Variants in MCIDAS observed in about 807,000 individuals in gnomAD.
The protein encoded by MCIDAS is multiciliate differentiation and DNA synthesis associated cell cycle protein, also known as multicilin.
Under a neutral mutation model 35.4 loss-of-function variants are expected in MCIDAS, and 23 were observed. The ratio of observed to expected loss-of-function variants is 0.65; its 90% CI spans 0.47 to 0.92. The LOEUF is 0.92. MCIDAS is among the 40% of genes least tolerant of loss of function. MCIDAS has a pLI of 0.00. For synonymous variants in MCIDAS, 228 were observed against 235.2 expected, an observed-to-expected ratio of 0.97 and a Z score of 0.28; for missense variants, 480 against 531.8, an observed-to-expected ratio of 0.90 and a Z score of 0.96.
In MCIDAS at chr5:55,220,248, G is replaced by T; in HGVS notation, c.*118C>A. On this transcript the variant is annotated 3_prime_UTR_variant, in exon 7 of 7. Transcript: ENST00000513312. ...ATTTACAATGCATCGGTATCAAGAT[G>T]CTTTTGTTCCTGAAAAAGTGTTTCA... 1.0e-6 allele frequency: 1 copy of T among 958,760 alleles called. No homozygotes were observed. Among genetic ancestry groups the T allele is most frequent in the Non-Finnish European group, 1.5e-6 (1 of 663,914 alleles). The allele number at this position is 958,760 out of a possible 1,614,324, so 59.4% of individuals were successfully genotyped here.
intron 3 of MCIDAS, among the ~76,000 whole-genome samples, chr5:55,224,451 G>A (rs1580405057): frequency 6.6e-6 from 1 of 152,120 alleles, no homozygotes; most frequent in Admixed American, 6.5e-5. Flanking sequence ...GTCAAGCAGG[G>A]AGGCCTCTAG....
At chr5:55,221,465 A>T (rs1291641912) in intron 5 of MCIDAS, among the ~76,000 whole-genome samples, 1 of 152,110 alleles carries the variant, frequency 6.6e-6, no homozygotes, top group Non-Finnish European at 1.5e-5. Context: ...TGTGAGCATT[A>T]AGTGGGAAGA....
chr5:55,227,156 G>A lies in MCIDAS; in HGVS notation c.-18C>T. 1.4e-6 allele frequency: 2 copies of A among 1,422,432 alleles called. No individual in the cohort carries two copies. Among genetic ancestry groups the A allele is most frequent in the South Asian group, 1.5e-5 (1 of 66,992 alleles). 88.1% of individuals were successfully genotyped at this position (1,422,432 alleles called of 1,614,324 possible). ...GCCTGCATTGTGCCTCCTGCCTCCG[G>A]GTGCCGACTGCTCGGAGGCGGCGGC... On this transcript the variant is annotated 5_prime_UTR_variant, in exon 1 of 7. Transcript: ENST00000513312.
chr5:55,226,819 G>T lies in MCIDAS; in HGVS notation c.217+16C>A. On this transcript the variant is annotated intron_variant, in intron 2 of 6. Coordinates refer to ENST00000513312, the MANE Select transcript of MCIDAS (RefSeq NM_001190787.3). Reference sequence around the variant, plus strand: ...GCGGGGAACCCGAGGGGTAGCGTGGGTGCCACGGGGCTCACCTGGCAGCGC... The same window carrying T: ...GCGGGGAACCCGAGGGGTAGCGTGGTTGCCACGGGGCTCACCTGGCAGCGC... 7.2e-7 allele frequency: 1 copy of T among 1,389,220 alleles called. No individual in the cohort carries two copies. Among genetic ancestry groups the T allele is most frequent in the Non-Finnish European group, 9.3e-7 (1 of 1,078,346 alleles). 86.1% of individuals were successfully genotyped at this position (1,389,220 alleles called of 1,614,324 possible).
In MCIDAS at chr5:55,223,836, G is replaced by C. The variant is rs1040472908; in HGVS notation, c.310-813C>G. On this transcript the variant is annotated intron_variant, in intron 3 of 6. Transcript: ENST00000513312. This position sits in a 1 kb window ranked among gnomAD's most constrained non-coding sequence, Gnocchi z 4.4. ...CTCTTTCAGTTTCCCAAAAAGTTGG[G>C]AGTACTCTTTTCTCGTACAGCCGGT... Among the ~76,000 whole-genome samples the C allele has an allele frequency of 6.6e-6, 1 of 152,156 alleles. No homozygotes were observed. The highest frequency in any genetic ancestry group is 1.5e-5 in the Non-Finnish European group (1 of 68,038).
In MCIDAS at chr5:55,220,754, A is replaced by G. The variant is rs1745339381; in HGVS notation, c.770T>C (p.Leu257Pro). The change falls in exon 7 of 7, where the codon CTG becomes CCG. Residue 257 changes from leucine to proline, a missense_variant. Physicochemically the swap from Leu to Pro is moderately conservative, Grantham distance 98. Coordinates refer to ENST00000513312, the MANE Select transcript of MCIDAS (RefSeq NM_001190787.3). Reference protein sequence around the residue: ...RDCGAAAEPFLLKAKAKRSLE... With the variant: ...RDCGAAAEPFPLKAKAKRSLE... ...GCTCCTTTTGGCCTTCGCCTTGAGC[A>G]GGAAGGGCTCGGCCGCCGCCCCACA... The G allele has an allele frequency of 1.3e-6, 2 of 1,534,552 alleles. No individual in the cohort carries two copies. The highest frequency in any genetic ancestry group is 8.7e-7 in the Non-Finnish European group (1 of 1,145,634).
intron 4 of MCIDAS, 89 bp from the exon 5 acceptor site, chr5:55,222,488 T>C: frequency 9.2e-7 from 1 of 1,087,370 alleles, no homozygotes; most frequent in Non-Finnish European, 1.3e-6. Context: ...GTAGGGTGTA[T>C]GTAGAGATTT....
chr5:55,225,179 G>C (rs1580405436), intron 3 of MCIDAS, among the ~76,000 whole-genome samples: 1 of 152,266 alleles, frequency 6.6e-6, no homozygotes, highest in Non-Finnish European at 1.5e-5. Flanking sequence ...CTGCCCTCCA[G>C]TCTGAGTGAC....
At chr5:55,226,435 T>C in intron 3 of MCIDAS, 141 bp downstream of exon 3, 1 of 745,504 alleles carries the variant, frequency 1.3e-6, no homozygotes, top group Non-Finnish European at 2.1e-6. Context: ...GAGGCTCAGG[T>C]GCCTGCACAA....
At chr5:55,221,957 T>TTAATAAAA (rs1156945387) in intron 5 of MCIDAS, among the ~76,000 whole-genome samples, 2 of 151,908 alleles carry the variant, frequency 1.3e-5, no homozygotes, top group Non-Finnish European at 2.9e-5. Flanking sequence ...TAAAAATTAA[T>TTAATAAAA]TAATAAAATA....
chr5:55,225,555 C>T (rs1246454633), intron 3 of MCIDAS, among the ~76,000 whole-genome samples: 2 of 152,230 alleles, frequency 1.3e-5, no homozygotes, highest in Admixed American at 1.3e-4. Context: ...AATCTCTGCT[C>T]TCAGCAGCCA....
Position 55,221,136 on chromosome 5 carries a change from G to A in MCIDAS, c.607-10C>T, listed in dbSNP as rs1745349460. The A allele has an allele frequency of 6.5e-7, 1 of 1,532,736 alleles. No individual in the cohort carries two copies. Among genetic ancestry groups the A allele is most frequent in the African/African-American group, 1.4e-5 (1 of 72,996 alleles). 94.9% of individuals were successfully genotyped at this position (1,532,736 alleles called of 1,614,324 possible). ...TCAATGTCACGTGCAGCTGCAGGAGGAGACCCAAACATTCAGGGGTAGGTA... is the reference window on the plus strand; with the variant it reads ...TCAATGTCACGTGCAGCTGCAGGAGAAGACCCAAACATTCAGGGGTAGGTA... On this transcript the variant is annotated splice_polypyrimidine_tract_variant and intron_variant, in intron 5 of 6. Coordinates refer to ENST00000513312, the MANE Select transcript of MCIDAS (RefSeq NM_001190787.3).
intron 3 of MCIDAS, among the ~76,000 whole-genome samples, chr5:55,224,455 C>A (rs994652767): frequency 1.4e-4 from 22 of 152,084 alleles, no homozygotes; most frequent in African/African-American, 5.3e-4. Flanking sequence ...AGCAGGGAGG[C>A]CTCTAGCACC....
At chr5:55,226,350 A>C (rs754885339) in intron 3 of MCIDAS, among the ~76,000 whole-genome samples, 3 of 152,168 alleles carry the variant, frequency 2.0e-5, no homozygotes, top group Non-Finnish European at 4.4e-5. Flanking sequence ...CGACTGTATC[A>C]AGTTGGTCAA....
At position 55,220,498 on chromosome 5, in the gene MCIDAS, C is replaced by T. The variant is rs1170898610; in HGVS notation, c.1026G>A (p.Leu342=). Residue 342 remains leucine, a synonymous_variant, in exon 7 of 7, where the codon CTG becomes CTA. Transcript: ENST00000513312. ...RSALNLSHSE[L]EEGGSFSTRI... Reference sequence around the variant, plus strand: ...GGGTGCTGAAGGAGCCGCCCTCCTCCAGCTCACTGTGGCTCAGGTTCAACG... The same window carrying T: ...GGGTGCTGAAGGAGCCGCCCTCCTCTAGCTCACTGTGGCTCAGGTTCAACG... 6.5e-7 allele frequency: 1 copy of T among 1,535,974 alleles called. No homozygotes were observed. Among genetic ancestry groups the T allele is most frequent in the African/African-American group, 1.4e-5 (1 of 73,052 alleles).
At chr5:55,226,481 C>T in intron 3 of MCIDAS, 95 bp downstream of exon 3, 2 of 1,294,540 alleles carry the variant, frequency 1.5e-6, no homozygotes, top group Non-Finnish European at 2.1e-6. Flanking sequence ...CCTGCGCTCC[C>T]GACCCGAGAG....
chr5:55,222,936 G>A lies in MCIDAS; in HGVS notation c.382+15C>T. 2 of 1,535,306 alleles carry A rather than the reference G, an allele frequency of 1.3e-6. No homozygotes were observed. The highest frequency in any genetic ancestry group is 1.7e-6 in the Non-Finnish European group (2 of 1,146,208). ...CACCCCCGCTGTTATTTAACTGCCA[G>A]GAGACTGCACTTGCCTGAAATGAGA... On this transcript the variant is annotated intron_variant, in intron 4 of 6. Transcript: ENST00000513312.
At position 55,222,100 on chromosome 5, in the gene MCIDAS, C is replaced by T. The variant is rs189758575; in HGVS notation, c.606+76G>A. 134 of 1,401,222 alleles carry T rather than the reference C, an allele frequency of 9.6e-5. No individual in the cohort carries two copies. In the East Asian group the frequency reaches 2.2e-3, roughly 23 times the overall value. 86.8% of individuals were successfully genotyped at this position (1,401,222 alleles called of 1,614,324 possible). A position where few individuals can be genotyped will look rare whatever the true frequency, so the allele number is the denominator to read the frequency against. On this transcript the variant is annotated intron_variant, in intron 5 of 6. Transcript: ENST00000513312. ...CCGACTCACAGGACCTCATCTTCTC[C>T]CTTGCAAACCCCACTTCCACCCTCT... is the stretch of plus-strand genomic sequence containing the variant.
rs2111687381 is a variant in MCIDAS, at chr5:55,219,693, A to G, written c.*673T>C. The G allele has an allele frequency of 6.6e-6, 1 of 152,340 alleles. No homozygotes were observed. The highest frequency in any genetic ancestry group is 6.5e-5 in the Admixed American group (1 of 15,298). The allele number at this position is 152,340 out of a possible 1,614,324, so 9.4% of individuals were successfully genotyped here. A position where few individuals can be genotyped will look rare whatever the true frequency, so the allele number is the denominator to read the frequency against. On this transcript the variant is annotated 3_prime_UTR_variant, in exon 7 of 7. Transcript: ENST00000513312. ...TAATGAATATAAACTGTTACCATAA[A>G]TCTTCTAAATTATATGAATGATCAT...
Sources: allele counts gnomAD v4.1 joint callset (sites outside exome capture counted in the v4.1 genomes callset), GRCh38; gene constraint gnomAD v4.1.1; non-coding constraint Gnocchi (gnomAD v3.1); transcripts MANE v1.5; gene names NCBI Gene and HGNC (gene_info 2026-07-23, HGNC 2026-07-21).